SEPHS1: variants seen among roughly 807,000 people sequenced by gnomAD.
SEPHS1 encodes zincore component SEPHS1.
A neutral mutation model predicts 39.2 loss-of-function variants in SEPHS1; 7 were observed. The ratio of observed to expected loss-of-function variants is 0.18; its 90% CI spans 0.10 to 0.34. The LOEUF (loss-of-function observed/expected upper bound fraction) is 0.34, where lower values mean the gene tolerates loss of function less well. Ranked by LOEUF, SEPHS1 falls within the 10% of genes least tolerant of loss-of-function variation. The pLI, the probability that SEPHS1 is intolerant of heterozygous loss-of-function variation, is 1.00. For missense variants in SEPHS1, 253 were observed against 514.5 expected, an observed-to-expected ratio of 0.49 and a Z score of 4.92; for synonymous variants, 190 against 195.5, an observed-to-expected ratio of 0.97 and a Z score of 0.23.
At chr10:13,330,810 A>G (rs1564447257) in intron 5 of SEPHS1, among the ~76,000 whole-genome samples, 1 of 150,212 alleles carries the variant, frequency 6.7e-6, no homozygotes, top group East Asian at 2.0e-4. Context: ...ACTCAGTTGT[A>G]CCATAAAGTT....
intron 6 of SEPHS1, 43 bp downstream of exon 6, chr10:13,329,655 C>A (rs767585908): frequency 1.4e-6 from 2 of 1,443,698 alleles, no homozygotes; most frequent in Non-Finnish European, 1.9e-6. Context: ...TACCTGCAAA[C>A]GTACCATTCC....
intron 4 of SEPHS1, among the ~76,000 whole-genome samples, chr10:13,334,711 T>C (rs1032723901): frequency 6.6e-6 from 1 of 152,144 alleles, no homozygotes; most frequent in Admixed American, 6.5e-5. Flanking sequence ...AGATCTTGTC[T>C]CAAAAACAAA....
At chr10:13,332,130 C>T (rs529877129) in intron 5 of SEPHS1, among the ~76,000 whole-genome samples, 34 of 152,292 alleles carry the variant, frequency 2.2e-4, no homozygotes, top group Non-Finnish European at 3.2e-4. Context: ...CCCAAAGGTC[C>T]GTCACCTGAG....
chr10:13,342,370 C>G (rs10128408), intron 2 of SEPHS1, among the ~76,000 whole-genome samples: 62,025 of 151,980 alleles, frequency 0.41, 14,350 homozygotes, highest in East Asian at 0.69. Flanking sequence ...AACCTGAGCT[C>G]AGGAGCTTGA....
At chr10:13,330,841 T>C (rs200352046) in intron 5 of SEPHS1, among the ~76,000 whole-genome samples, 1 of 141,408 alleles carries the variant, frequency 7.1e-6, no homozygotes, top group African/African-American at 2.5e-5. Context: ...TTTTTTAAAT[T>C]TTTTAAAATT....
intron 3 of SEPHS1, 31 bp downstream of exon 3, chr10:13,338,674 C>T (rs371152643): frequency 2.3e-5 from 36 of 1,537,746 alleles, no homozygotes; most frequent in Non-Finnish European, 3.1e-5. Context: ...TAAGCCCTTC[C>T]AGTCACAAAA....
At chr10:13,345,697 C>A (rs902267781) in intron 1 of SEPHS1, among the ~76,000 whole-genome samples, 2 of 152,012 alleles carry the variant, frequency 1.3e-5, no homozygotes, top group South Asian at 4.2e-4. Flanking sequence ...GCCAACATGG[C>A]GAAACCCCGT....
intron 5 of SEPHS1, among the ~76,000 whole-genome samples, chr10:13,331,630 G>A (rs891851774): frequency 3.9e-5 from 6 of 152,154 alleles, no homozygotes; most frequent in African/African-American, 7.2e-5. Flanking sequence ...TGATCCACCC[G>A]TCTTGGCTTC....
At chr10:13,334,523 A>G (rs902601399) in intron 4 of SEPHS1, among the ~76,000 whole-genome samples, 3 of 152,112 alleles carry the variant, frequency 2.0e-5, no homozygotes, top group Admixed American at 6.5e-5. Context: ...CCCTGGGCAC[A>G]AGAGTGAGAC....
Position 13,321,049 on chromosome 10 carries a change from C to T in SEPHS1, c.965-1693G>A, listed in dbSNP as rs553035637. On this transcript the variant is annotated intron_variant, in intron 8 of 8. Transcript: ENST00000327347. ...GAGGCTGAAGCGTCCTCTATAAAGG[C>T]GGTGAGAGGCCTGGCAGAGTCCTGA... Among the ~76,000 whole-genome samples, 36 of 152,100 alleles carry T rather than the reference C, an allele frequency of 2.4e-4. No individual in the cohort carries two copies. The South Asian group carries it at 7.5e-3, about 32-fold the overall frequency.
chr10:13,325,981 A>C (rs1026286128), intron 7 of SEPHS1, among the ~76,000 whole-genome samples: 1 of 149,112 alleles, frequency 6.7e-6, no homozygotes, highest in African/African-American at 2.4e-5. Flanking sequence ...TAATAATAAT[A>C]AATGAATAAA....
chr10:13,334,549 A>AC (rs895722424), intron 4 of SEPHS1, among the ~76,000 whole-genome samples: 55 of 148,168 alleles, frequency 3.7e-4, no homozygotes, highest in African/African-American at 1.3e-3. Context: ...CTCAAAAACA[A>AC]AAAAAAAAAA....
chr10:13,346,178 C>A (rs961228903), intron 1 of SEPHS1, among the ~76,000 whole-genome samples: 2 of 152,190 alleles, frequency 1.3e-5, no homozygotes, highest in African/African-American at 2.4e-5. Flanking sequence ...TGTGTACCAC[C>A]GTTAGGTTTC....
At chr10:13,331,426 C>T (rs1361629231) in intron 5 of SEPHS1, among the ~76,000 whole-genome samples, 1 of 151,846 alleles carries the variant, frequency 6.6e-6, no homozygotes, top group East Asian at 1.9e-4. Flanking sequence ...CACTCTGTCA[C>T]CCAGGCTGGA....
At chr10:13,337,722 G>A (rs954770053) in intron 3 of SEPHS1, among the ~76,000 whole-genome samples, 2 of 152,190 alleles carry the variant, frequency 1.3e-5, no homozygotes, top group African/African-American at 4.8e-5. Flanking sequence ...GGAAAACAAT[G>A]GACTGTGGTT....
At chr10:13,333,473 T>C (rs545586613) in intron 5 of SEPHS1, among the ~76,000 whole-genome samples, 6 of 150,850 alleles carry the variant, frequency 4.0e-5, no homozygotes, top group Non-Finnish European at 7.4e-5. Flanking sequence ...CAGAATCTTG[T>C]TCTGTTGCCC....
At chr10:13,321,468 G>A (rs1466002750) in intron 8 of SEPHS1, among the ~76,000 whole-genome samples, 2 of 152,010 alleles carry the variant, frequency 1.3e-5, no homozygotes, top group Non-Finnish European at 2.9e-5. Context: ...GGCTGGTCTC[G>A]AACTCCTGAC....
At chr10:13,345,571 C>T (rs1833897942) in intron 1 of SEPHS1, 1 of 152,224 alleles carries the variant, frequency 6.6e-6, no homozygotes, top group African/African-American at 2.4e-5. Context: ...AACACGTTTT[C>T]CCTCTGAGCC....
In SEPHS1 at chr10:13,319,138, T is replaced by G; in HGVS notation, c.*4A>C. The stretch of plus-strand genomic sequence containing the variant: ...ACAAAACCAAACAGCTATTTCTGTC[T>G]AGATTAAGAGGTGGCCCCGGGTGTG... On this transcript the variant is annotated 3_prime_UTR_variant, in exon 9 of 9. Coordinates refer to ENST00000327347, the MANE Select transcript of SEPHS1 (RefSeq NM_012247.5). 1.9e-6 allele frequency: 3 copies of G among 1,611,456 alleles called. No homozygotes were observed. Among genetic ancestry groups the G allele is most frequent in the Non-Finnish European group, 2.5e-6 (3 of 1,179,188 alleles).
Sources: allele counts gnomAD v4.1 joint callset (sites outside exome capture counted in the v4.1 genomes callset), GRCh38; gene constraint gnomAD v4.1.1; transcripts MANE v1.5; gene names NCBI Gene and HGNC (gene_info 2026-07-23, HGNC 2026-07-21).